KCNG1: variants seen among roughly 807,000 people sequenced by gnomAD.
KCNG1 encodes potassium voltage-gated channel modifier subfamily G member 1, also known as voltage-gated potassium channel regulatory subunit KCNG1.
In KCNG1, 17 loss-of-function variants were observed where a neutral mutation model predicts 32.4. The ratio of observed to expected loss-of-function variants is 0.52; its 90% CI spans 0.36 to 0.79. The LOEUF (loss-of-function observed/expected upper bound fraction) is 0.79, where lower values mean the gene tolerates loss of function less well. Among genes scored for constraint, KCNG1 ranks in the 30% least tolerant of loss-of-function variants. The pLI is 0.00. For missense variants in KCNG1, 441 were observed against 735.2 expected (o/e 0.60, Z 4.63); for synonymous variants, 358 against 339.9 (o/e 1.05, Z -0.59).
rs1988004958 is a variant in KCNG1, at chr20:51,010,024, G to A, written c.315C>T (p.Cys105=). ...CGTTGCAGGTGACGTCGTAGTCATC[G>A]CACACGTTGAGGATGTCGTCGAAGT... ...CTNFDDILNV[C]DDYDVTCNEF... The change falls in exon 2 of 3, where the codon TGC becomes TGT. Residue 105 remains cysteine, a synonymous_variant. Transcript: ENST00000371571. 1 of 1,613,962 alleles carries A rather than the reference G, an allele frequency of 6.2e-7. No homozygotes were observed. The highest frequency in any genetic ancestry group is 1.3e-5 in the African/African-American group (1 of 74,946).
chr20:51,007,542 G>A (rs1987879933), intron 2 of KCNG1, among the ~76,000 whole-genome samples: 1 of 152,112 alleles, frequency 6.6e-6, no homozygotes, highest in Non-Finnish European at 1.5e-5. Context: ...CTGGTTGAAT[G>A]CTATTTTCTT....
rs969867732 is a variant in KCNG1 at position 51,009,414 on chromosome 20, G to A, written c.774+151C>T. On this transcript the variant is annotated intron_variant, in intron 2 of 2. Transcript: ENST00000371571. Reference sequence around the variant, plus strand: ...ATGCTCACATATTAACAGGGAGGCAGACCATGCACACAAACATTCCTGATG... The same window carrying A: ...ATGCTCACATATTAACAGGGAGGCAAACCATGCACACAAACATTCCTGATG... 1.1e-5 allele frequency: 11 copies of A among 957,952 alleles called. No homozygotes were observed. The Middle Eastern group carries it at 6.5e-4, about 57-fold the overall frequency. The allele number at this position is 957,952 out of a possible 1,614,324, so 59.3% of individuals were successfully genotyped here.
At chr20:51,017,397 A>G (rs1201839775) in intron 1 of KCNG1, among the ~76,000 whole-genome samples, 1 of 152,240 alleles carries the variant, frequency 6.6e-6, no homozygotes, top group Non-Finnish European at 1.5e-5. Flanking sequence ...GTGAGGATCT[A>G]TATTAACCAC....
At chr20:51,006,475 GA>G (rs1601091981) in intron 2 of KCNG1, 2 of 152,284 alleles carry the variant, frequency 1.3e-5, no homozygotes, top group East Asian at 3.9e-4. Context: ...TAATCCTTAA[GA>G]GAGGACTTTC....
At chr20:51,012,378 T>C (rs895894218) in intron 1 of KCNG1, 4 of 152,246 alleles carry the variant, frequency 2.6e-5, no homozygotes, top group African/African-American at 7.2e-5. Context: ...TAGAATTGTC[T>C]GTGTGCAAGC....
rs927305994 is a variant in KCNG1 at position 51,010,374 on chromosome 20, G to C, written c.-26-10C>G. 6.7e-7 allele frequency: 1 copy of C among 1,487,608 alleles called. No individual in the cohort carries two copies. The highest frequency in any genetic ancestry group is 2.3e-5 in the East Asian group (1 of 43,790). The allele number at this position is 1,487,608 out of a possible 1,614,324, so 92.2% of individuals were successfully genotyped here. A position where few individuals can be genotyped will look rare whatever the true frequency, so the allele number is the denominator to read the frequency against. On this transcript the variant is annotated splice_polypyrimidine_tract_variant and intron_variant, in intron 1 of 2. Coordinates refer to ENST00000371571, the MANE Select transcript of KCNG1 (RefSeq NM_002237.4). ...CACATCCCTCTCGGGCCTGTGGGGA[G>C]AAGGGAGGGAAGACCCTCAGTGACC...
In KCNG1 at chr20:51,003,703, C is replaced by T. The variant is rs1461226303; in HGVS notation, c.*336G>A. On this transcript the variant is annotated 3_prime_UTR_variant, in exon 3 of 3. Coordinates refer to ENST00000371571, the MANE Select transcript of KCNG1 (RefSeq NM_002237.4). ...TTTTTTTTTTTTCTCCAGGCAGACC[C>T]ATAAAGCAAGTTTTTGCTGGGCATG... 5.2e-6 allele frequency: 1 copy of T among 193,238 alleles called. No homozygotes were observed. Among genetic ancestry groups the T allele is most frequent in the Non-Finnish European group, 1.0e-5 (1 of 100,060 alleles). The allele number at this position is 193,238 out of a possible 1,614,324, so 12.0% of individuals were successfully genotyped here. A position where few individuals can be genotyped will look rare whatever the true frequency, so the allele number is the denominator to read the frequency against.
rs1987988358 is a variant in KCNG1 at position 51,009,750 on chromosome 20, C to T, written c.589G>A (p.Glu197Lys). The change falls in exon 2 of 3, where the codon GAG (glutamate) becomes AAG (lysine). Residue 197 changes from glutamate (E) to lysine (K), a missense_variant. Glu to Lys is a moderately conservative substitution (Grantham distance 56, BLOSUM62 1). This residue lies in a region of KCNG1 where 52 missense variants were observed against 50.3 expected (regional missense o/e 1.03). Coordinates refer to ENST00000371571, the MANE Select transcript of KCNG1 (RefSeq NM_002237.4). The part of the protein sequence containing the change: ...DALDSEGRDS[E>K]GPAEGEGRLG... ...CGGCCCTCGCCCTCGGCCGGGCCCT[C>T]GCTGTCGCGGCCCTCGCTGTCCAGC... is the stretch of plus-strand genomic sequence containing the variant. 1.2e-6 allele frequency: 2 copies of T among 1,608,964 alleles called. No individual in the cohort carries two copies. Among genetic ancestry groups the T allele is most frequent in the Non-Finnish European group, 1.7e-6 (2 of 1,179,468 alleles).
intron 1 of KCNG1, among the ~76,000 whole-genome samples, chr20:51,011,209 A>G (rs1988079395): frequency 6.6e-6 from 1 of 152,210 alleles, no homozygotes; most frequent in Non-Finnish European, 1.5e-5. Context: ...TCCCATATCC[A>G]TCTATGCACT....
At position 51,023,099 on chromosome 20, in the gene KCNG1, T is replaced by C. The variant is rs1988543028; in HGVS notation, c.-256A>G. The C allele has an allele frequency of 6.6e-6, 1 of 152,062 alleles. No individual in the cohort carries two copies. The highest frequency in any genetic ancestry group is 1.5e-5 in the Non-Finnish European group (1 of 67,988). The allele number at this position is 152,062 out of a possible 1,614,324, so 9.4% of individuals were successfully genotyped here. On this transcript the variant is annotated 5_prime_UTR_variant, in exon 1 of 3. Transcript: ENST00000371571. Reference sequence around the variant, plus strand: ...CTCTGCCTCCCGGTCCCCGCCGGGCTCCGAGTGCGCCGGGAGCGCGGCGCA... The same window carrying C: ...CTCTGCCTCCCGGTCCCCGCCGGGCCCCGAGTGCGCCGGGAGCGCGGCGCA...
chr20:51,018,576 A>C (rs1055882296), intron 1 of KCNG1, among the ~76,000 whole-genome samples: 8 of 152,162 alleles, frequency 5.3e-5, no homozygotes, highest in Non-Finnish European at 1.2e-4. Flanking sequence ...AGAGAGCGCT[A>C]ACTGCACAAA....
At position 51,018,805 on chromosome 20, in the gene KCNG1, T is replaced by C. The variant is rs3938407; in HGVS notation, c.-27+4065A>G. Among the ~76,000 whole-genome samples the C allele has an allele frequency of 1.2e-4, 18 of 152,336 alleles. No homozygotes were observed. In the East Asian group the frequency reaches 3.5e-3, roughly 29 times the overall value. ...CAAAGCCAGAATTAAACTAGATCTG[T>C]GGGACTCCAGGCCGAACCTCTTTGA... On this transcript the variant is annotated intron_variant, in intron 1 of 2. Transcript: ENST00000371571.
Position 51,014,875 on chromosome 20 carries a change from G to A in KCNG1, c.-26-4511C>T, listed in dbSNP as rs570236305. ...GAGCCGCATGGATAGATCCAGCCCC[G>A]TGAGGACCTGGCAGAGGGAGTGGCA... On this transcript the variant is annotated intron_variant, in intron 1 of 2. Coordinates refer to ENST00000371571, the MANE Select transcript of KCNG1 (RefSeq NM_002237.4). Among the ~76,000 whole-genome samples the A allele has an allele frequency of 4.6e-5, 7 of 152,296 alleles. No individual in the cohort carries two copies. In the East Asian group the frequency reaches 9.6e-4, roughly 21 times the overall value.
intron 2 of KCNG1, among the ~76,000 whole-genome samples, chr20:51,008,950 G>T (rs769229424): frequency 6.6e-6 from 1 of 152,116 alleles, no homozygotes. Context: ...GCCCAGCTCC[G>T]GCTCCCGTGA....
intron 2 of KCNG1, chr20:51,006,007 G>C (rs1444552465): frequency 2.6e-5 from 4 of 152,154 alleles, no homozygotes; most frequent in African/African-American, 9.7e-5. Flanking sequence ...AGCAGTGTCA[G>C]TGGGCCTCCC....
chr20:51,004,675 C>CGGGCCACCAG lies in KCNG1; in HGVS notation c.905_906insCTGGTGGCCC (p.Leu303TrpfsTer200). The stretch of plus-strand genomic sequence containing the variant: ...GCAGGATGGCCACCAGGTCGATCAG[C>CGGGCCACCAG]GTCAGCGGGCTCCGCAGGAAGGCGA... On this transcript the variant is annotated frameshift_variant, in exon 3 of 3. Transcript: ENST00000371571. LOFTEE classifies it high-confidence loss of function. The surrounding 1 kb of genome is among the most constrained non-coding windows in gnomAD (Gnocchi z 4.3). 6.2e-7 allele frequency: 1 copy of CGGGCCACCAG among 1,602,634 alleles called. No individual in the cohort carries two copies. Among genetic ancestry groups the CGGGCCACCAG allele is most frequent in the East Asian group, 2.3e-5 (1 of 44,298 alleles).
At chr20:51,019,388 C>T (rs541257790) in intron 1 of KCNG1, among the ~76,000 whole-genome samples, 1 of 152,028 alleles carries the variant, frequency 6.6e-6, no homozygotes, top group Non-Finnish European at 1.5e-5. Flanking sequence ...GTGTGTACCT[C>T]TAGTCCCAGT....
At position 51,009,751 on chromosome 20, in the gene KCNG1, G is replaced by T. The variant is rs1346904124; in HGVS notation, c.588C>A (p.Ser196Arg). 7 of 1,608,774 alleles carry T rather than the reference G, an allele frequency of 4.4e-6. No individual in the cohort carries two copies. Among genetic ancestry groups the T allele is most frequent in the African/African-American group, 1.3e-5 (1 of 74,878 alleles). ...DDALDSEGRD[S>R]EGPAEGEGRL... ...GGCCCTCGCCCTCGGCCGGGCCCTC[G>T]CTGTCGCGGCCCTCGCTGTCCAGCG... Residue 196 changes from serine (S) to arginine (R), a missense_variant, in exon 2 of 3, where the codon AGC (serine) becomes AGA (arginine). Ser to Arg is a moderately radical substitution (Grantham distance 110). Coordinates refer to ENST00000371571, the MANE Select transcript of KCNG1 (RefSeq NM_002237.4).
rs770446848 is a variant in KCNG1 at position 51,010,099 on chromosome 20, C to G, written c.240G>C (p.Thr80=). 1 of 1,613,834 alleles carries G rather than the reference C, an allele frequency of 6.2e-7. No homozygotes were observed. Among genetic ancestry groups the G allele is most frequent in the African/African-American group, 1.3e-5 (1 of 74,950 alleles). Residue 80 remains threonine (T), a synonymous_variant, in exon 2 of 3, where the codon ACG becomes ACC. Transcript: ENST00000371571. ...GGIKYSLPWT[T]LDEFPLTRLG... is the part of the protein sequence containing the mutation. The stretch of plus-strand genomic sequence containing the variant: ...GGCGCGTCAGCGGGAACTCGTCCAG[C>G]GTGGTCCAGGGCAGCGAGTACTTGA...
Sources: allele counts gnomAD v4.1 joint callset (sites outside exome capture counted in the v4.1 genomes callset), GRCh38; gene constraint gnomAD v4.1.1; regional missense constraint gnomAD v4.1.1; non-coding constraint Gnocchi (gnomAD v3.1); transcripts MANE v1.5; gene names NCBI Gene and HGNC (gene_info 2026-07-23, HGNC 2026-07-21).